Variants in TTC28 observed in about 807,000 individuals in gnomAD.
The protein encoded by TTC28 is tetratricopeptide repeat protein 28.
TTC28 carries 61 observed loss-of-function variants against 198.0 expected under a neutral mutation model. That is an observed-to-expected ratio of 0.31 (90% CI 0.25 to 0.38). TTC28 has a LOEUF of 0.38. Among genes scored for constraint, TTC28 ranks in the 10% least tolerant of loss-of-function variants. TTC28 has a pLI of 1.00. For missense variants in TTC28, 2,678 were observed against 3,164.0 expected (o/e 0.85, Z 3.69); for synonymous variants, 1,171 against 1,297.8 (o/e 0.90, Z 2.10).
intron 2 of TTC28, among the ~76,000 whole-genome samples, chr22:28,520,456 GCAAGAT>G (rs1187184830): frequency 6.6e-5 from 10 of 152,162 alleles, no homozygotes; most frequent in Admixed American, 2.6e-4. Flanking sequence ...GGCAAAAGCA[GCAAGAT>G]CATCCAGTTA....
At chr22:28,475,494 T>C (rs1041140364) in intron 2 of TTC28, among the ~76,000 whole-genome samples, 1 of 152,186 alleles carries the variant, frequency 6.6e-6, no homozygotes, top group Non-Finnish European at 1.5e-5. Flanking sequence ...AATCCATTTT[T>C]TTCCCTCATC....
intron 2 of TTC28, among the ~76,000 whole-genome samples, chr22:28,599,499 T>C (rs1309298379): frequency 1.3e-5 from 2 of 152,154 alleles, no homozygotes; most frequent in Non-Finnish European, 2.9e-5. Context: ...TAATTCAGTC[T>C]ATGAGCAAGC....
chr22:28,654,187 C>T (rs1037216778), intron 1 of TTC28, among the ~76,000 whole-genome samples: 1 of 152,152 alleles, frequency 6.6e-6, no homozygotes, highest in African/African-American at 2.4e-5. Context: ...CCCTCAGTTA[C>T]TTGTGAGGGC....
chr22:28,584,000 GT>G (rs1227485117), intron 2 of TTC28, among the ~76,000 whole-genome samples: 11 of 129,740 alleles, frequency 8.5e-5, no homozygotes, highest in Non-Finnish European at 1.5e-4. Context: ...TTTTTGTTTT[GT>G]TTTTGTTTTG....
At chr22:28,423,997 C>A (rs1190184672) in intron 2 of TTC28, among the ~76,000 whole-genome samples, 1 of 152,042 alleles carries the variant, frequency 6.6e-6, no homozygotes, top group African/African-American at 2.4e-5. Flanking sequence ...TGGAAAAATA[C>A]CTGCACATAG....
At chr22:28,171,076 T>C (rs1235067006) in intron 5 of TTC28, among the ~76,000 whole-genome samples, 1 of 152,008 alleles carries the variant, frequency 6.6e-6, no homozygotes, top group East Asian at 1.9e-4. Context: ...GCTGGTGTAC[T>C]GAACCACAAA....
chr22:28,636,127 A>ATTTTTTT lies in TTC28; in HGVS notation c.103-6304_103-6298dup, dbSNP rs71316851. ...CATCCATATTGTTGCAAATGTCAGG[A>ATTTTTTT]TTTTTTTTTTTTTTTTTTTTTTTTT... On this transcript the variant is annotated intron_variant, in intron 1 of 22. Coordinates refer to ENST00000397906, the MANE Select transcript of TTC28 (RefSeq NM_001145418.2). Among the ~76,000 whole-genome samples the ATTTTTTT allele has an allele frequency of 5.8e-4, 38 of 65,736 alleles. 8 individuals are homozygous for ATTTTTTT. Among genetic ancestry groups the ATTTTTTT allele is most frequent in the East Asian group, 3.2e-3 (6 of 1,872 alleles). 43.1% of individuals were successfully genotyped at this position (65,736 alleles called of 152,430 possible).
At chr22:28,448,673 G>GATTCTCACTTTGCTAGAAAAGAAA (rs2047735505) in intron 2 of TTC28, among the ~76,000 whole-genome samples, 1 of 152,112 alleles carries the variant, frequency 6.6e-6, no homozygotes, top group Non-Finnish European at 1.5e-5. Context: ...AGAATCTCAA[G>GATTCTCACTTTGCTAGAAAAGAAA]GCCTCACTTT....
Position 28,539,866 on chromosome 22 carries a change from C to T in TTC28, c.381+89686G>A, listed in dbSNP as rs60696700. 1.9e-3 allele frequency among the ~76,000 whole-genome samples: 288 copies of T among 150,732 alleles called. 1 individual carries two copies. The highest frequency in any genetic ancestry group is 6.3e-3 in the African/African-American group (260 of 41,014). On this transcript the variant is annotated intron_variant, in intron 2 of 22. Coordinates refer to ENST00000397906, the MANE Select transcript of TTC28 (RefSeq NM_001145418.2). ...GTAATTTATAATAAAAGAAGCGTGA[C>T]TGGCTTGTGGCTCTGCAGCCTGTAT... is the stretch of plus-strand genomic sequence containing the variant.
chr22:28,279,780 C>T (rs1315887943), intron 5 of TTC28, among the ~76,000 whole-genome samples: 2 of 152,198 alleles, frequency 1.3e-5, no homozygotes, highest in African/African-American at 4.8e-5. Flanking sequence ...CCTAGTCAAA[C>T]CTGTCCTCAC....
chr22:28,591,017 A>C (rs1275549863), intron 2 of TTC28, among the ~76,000 whole-genome samples: 7 of 28,010 alleles, frequency 2.5e-4, no homozygotes, highest in African/African-American at 1.2e-4. Flanking sequence ...AAACACACAC[A>C]CACACACACA....
chr22:28,408,553 G>A (rs968541991), intron 2 of TTC28, among the ~76,000 whole-genome samples: 6 of 152,128 alleles, frequency 3.9e-5, no homozygotes, highest in African/African-American at 1.4e-4. Context: ...ACCACACCCG[G>A]CTAATTTTTG....
intron 12 of TTC28, among the ~76,000 whole-genome samples, chr22:28,034,548 C>G (rs1939256815): frequency 6.6e-6 from 1 of 152,192 alleles, no homozygotes; most frequent in Non-Finnish European, 1.5e-5. Context: ...TAAAAGAGGA[C>G]TCTGTTCTTG....
intron 2 of TTC28, among the ~76,000 whole-genome samples, chr22:28,405,543 A>G (rs954541253): frequency 1.3e-5 from 2 of 152,222 alleles, no homozygotes; most frequent in African/African-American, 4.8e-5. Context: ...ATTTCAACTG[A>G]GGGACTCATG....
At chr22:28,639,467 T>C (rs1039351232) in intron 1 of TTC28, among the ~76,000 whole-genome samples, 1 of 152,194 alleles carries the variant, frequency 6.6e-6, no homozygotes, top group African/African-American at 2.4e-5. Flanking sequence ...ATATGTTAGT[T>C]GTGTACTGAT....
chr22:28,661,770 C>A (rs755044574), intron 1 of TTC28, among the ~76,000 whole-genome samples: 8 of 152,128 alleles, frequency 5.3e-5, no homozygotes, highest in Non-Finnish European at 8.8e-5. Context: ...CCACACCCAG[C>A]TAATTTTTGT....
Position 28,161,455 on chromosome 22 carries a change from T to C in TTC28, c.1441+1637A>G, listed in dbSNP as rs576750710. ...TTGAGCCCAAGAGTTTCAGACCAGC[T>C]TGGGCAACATAGTGAGACCATGACT... On this transcript the variant is annotated intron_variant, in intron 6 of 22. Transcript: ENST00000397906. Among the ~76,000 whole-genome samples the C allele has an allele frequency of 2.6e-5, 4 of 152,148 alleles. No homozygotes were observed. In the South Asian group the frequency reaches 8.3e-4, roughly 32 times the overall value.
At chr22:28,482,288 T>A (rs1412454101) in intron 2 of TTC28, among the ~76,000 whole-genome samples, 2 of 135,616 alleles carry the variant, frequency 1.5e-5, no homozygotes, top group Non-Finnish European at 3.1e-5. Context: ...CTCGGCTCAC[T>A]GCAAGCTCCG....
At chr22:28,508,412 T>A (rs2146386816) in intron 2 of TTC28, among the ~76,000 whole-genome samples, 1 of 152,226 alleles carries the variant, frequency 6.6e-6, no homozygotes, top group African/African-American at 2.4e-5. Context: ...GCCTCCTGAG[T>A]ACCTGGGATT....
Sources: gnomAD v4.1 joint callset for allele counts (sites outside exome capture counted in the v4.1 genomes callset) on GRCh38, gnomAD v4.1.1 for gene constraint, MANE v1.5 for transcripts, NCBI Gene and HGNC (gene_info 2026-07-23, HGNC 2026-07-21) for gene names.